Variants in ARHGAP24 observed in about 807,000 individuals in gnomAD.
ARHGAP24 encodes Rho GTPase activating protein 24.
Under a neutral mutation model 76.4 loss-of-function variants are expected in ARHGAP24, and 50 were observed. The observed-to-expected ratio is 0.65, with a 90% CI of 0.52 to 0.83. The LOEUF is 0.83. Ranked by LOEUF, ARHGAP24 falls within the 40% of genes least tolerant of loss-of-function variation. ARHGAP24 has a pLI of 0.00. For synonymous variants in ARHGAP24, 345 were observed against 323.3 expected (o/e 1.07, Z -0.72); for missense variants, 930 against 914.2 (o/e 1.02, Z -0.22).
chr4:85,484,825 C>T (rs1197154822), intron 1 of ARHGAP24, among the ~76,000 whole-genome samples: 1 of 152,024 alleles, frequency 6.6e-6, no homozygotes, highest in Admixed American at 6.6e-5. Context: ...CCATGTTGGC[C>T]AGGCTGGTCT....
chr4:85,514,111 TTC>T (rs914357156), intron 1 of ARHGAP24, among the ~76,000 whole-genome samples: 1 of 152,144 alleles, frequency 6.6e-6, no homozygotes, highest in South Asian at 2.1e-4. Flanking sequence ...AAGCAAATTT[TTC>T]TCTTTTAGTG....
At chr4:85,622,043 C>CT (rs1473815461) in intron 2 of ARHGAP24, among the ~76,000 whole-genome samples, 16 of 151,836 alleles carry the variant, frequency 1.1e-4, no homozygotes, top group African/African-American at 3.9e-4. Context: ...CTTGTTTCTC[C>CT]TTTTTTGCTT....
intron 3 of ARHGAP24, among the ~76,000 whole-genome samples, chr4:85,752,200 G>A (rs1412675069): frequency 2.0e-5 from 3 of 152,182 alleles, no homozygotes; most frequent in Non-Finnish European, 4.4e-5. Flanking sequence ...TGTCCTCAAA[G>A]TCTGGCATCT....
chr4:85,957,752 C>T (rs1738004049), intron 5 of ARHGAP24, among the ~76,000 whole-genome samples: 1 of 152,072 alleles, frequency 6.6e-6, no homozygotes, highest in Admixed American at 6.5e-5. Flanking sequence ...TATAAACACA[C>T]CAAAGTCTGA....
intron 1 of ARHGAP24, among the ~76,000 whole-genome samples, chr4:85,482,203 T>A (rs1168932990): frequency 2.6e-5 from 4 of 152,228 alleles, no homozygotes; most frequent in Non-Finnish European, 4.4e-5. Context: ...TCAGTGTCAT[T>A]TTGGTTTTCA....
At chr4:85,635,963 A>G (rs1470686964) in intron 2 of ARHGAP24, among the ~76,000 whole-genome samples, 5 of 151,828 alleles carry the variant, frequency 3.3e-5, no homozygotes, top group African/African-American at 1.2e-4. Flanking sequence ...ATCATTTGAT[A>G]TGATTGGCCT....
chr4:85,649,552 G>C (rs550101370), intron 2 of ARHGAP24, among the ~76,000 whole-genome samples: 1 of 152,166 alleles, frequency 6.6e-6, no homozygotes, highest in South Asian at 2.1e-4. Context: ...TTTGCCACTG[G>C]ATAAACAGAT....
chr4:85,851,589 G>A (rs1040106700), intron 3 of ARHGAP24, among the ~76,000 whole-genome samples: 16 of 152,210 alleles, frequency 1.1e-4, no homozygotes, highest in African/African-American at 3.9e-4. Context: ...GCTGGTACCA[G>A]TTGTTCCTTT....
intron 2 of ARHGAP24, among the ~76,000 whole-genome samples, chr4:85,626,116 A>T (rs1354052459): frequency 2.0e-5 from 3 of 152,186 alleles, no homozygotes; most frequent in Non-Finnish European, 2.9e-5. Context: ...TGTCATTATG[A>T]TGTTAGCTGG....
At chr4:85,961,776 A>G (rs971961842) in intron 5 of ARHGAP24, among the ~76,000 whole-genome samples, 8 of 152,136 alleles carry the variant, frequency 5.3e-5, no homozygotes, top group Admixed American at 5.2e-4. Flanking sequence ...ATACACACAC[A>G]TATGCACACG....
intron 3 of ARHGAP24, among the ~76,000 whole-genome samples, chr4:85,903,976 T>TA (rs992014592): frequency 2.0e-5 from 3 of 152,192 alleles, no homozygotes; most frequent in Admixed American, 6.5e-5. Context: ...AGGGGGAAAT[T>TA]AAAAAAAAGA....
At chr4:85,879,610 C>T (rs1268359383) in intron 3 of ARHGAP24, among the ~76,000 whole-genome samples, 1 of 151,768 alleles carries the variant, frequency 6.6e-6, no homozygotes, top group African/African-American at 2.4e-5. Flanking sequence ...GTTAAGACAG[C>T]AAGTTTATGC....
chr4:85,789,295 A>G (rs1013842191), intron 3 of ARHGAP24, among the ~76,000 whole-genome samples: 11 of 151,762 alleles, frequency 7.2e-5, no homozygotes, highest in Admixed American at 1.3e-4. Flanking sequence ...AAAGAGATGC[A>G]TGCCCATAAA....
chr4:85,482,790 G>T (rs1294623271), intron 1 of ARHGAP24, among the ~76,000 whole-genome samples: 1 of 152,166 alleles, frequency 6.6e-6, no homozygotes, highest in African/African-American at 2.4e-5. Flanking sequence ...TCCTACATGA[G>T]CCCTATCTCT....
chr4:85,526,663 C>T (rs1200144883), intron 1 of ARHGAP24, among the ~76,000 whole-genome samples: 2 of 151,956 alleles, frequency 1.3e-5, no homozygotes, highest in Non-Finnish European at 2.9e-5. Flanking sequence ...ACTTTTATCC[C>T]ATCTCTTTCT....
chr4:85,972,583 A>G (rs1233328618), intron 6 of ARHGAP24, among the ~76,000 whole-genome samples: 1 of 152,224 alleles, frequency 6.6e-6, no homozygotes, highest in African/African-American at 2.4e-5. Context: ...TATAATTTTT[A>G]TACAATACAA....
intron 1 of ARHGAP24, among the ~76,000 whole-genome samples, chr4:85,503,623 GT>G (rs1345216745): frequency 6.6e-6 from 1 of 151,678 alleles, no homozygotes; most frequent in African/African-American, 2.4e-5. Flanking sequence ...CTTTATTAGT[GT>G]TGCTAGCAGT....
At chr4:85,849,265 T>C (rs904287509) in intron 3 of ARHGAP24, among the ~76,000 whole-genome samples, 1 of 150,532 alleles carries the variant, frequency 6.6e-6, no homozygotes. Context: ...TGTTGGTGTA[T>C]AAGAATGCTT....
At chr4:85,734,427 G>A (rs377217596) in intron 3 of ARHGAP24, among the ~76,000 whole-genome samples, 1 of 152,016 alleles carries the variant, frequency 6.6e-6, no homozygotes, top group Non-Finnish European at 1.5e-5. Context: ...TCTAAAAGTG[G>A]TACACCAATG....
Sources: gnomAD v4.1 joint callset for allele counts (sites outside exome capture counted in the v4.1 genomes callset) on GRCh38, gnomAD v4.1.1 for gene constraint, MANE v1.5 for transcripts, NCBI Gene and HGNC (gene_info 2026-07-23, HGNC 2026-07-21) for gene names.